Variants in NTM observed in about 807,000 individuals in gnomAD.
The protein encoded by NTM is IgLON family member 2.
A neutral mutation model predicts 42.1 loss-of-function variants in NTM; 13 were observed. That is an observed-to-expected ratio of 0.31 (90% CI 0.20 to 0.49). NTM has a LOEUF of 0.49. Among genes scored for constraint, NTM ranks in the 20% least tolerant of loss-of-function variants. NTM has a pLI of 0.99. For missense variants in NTM, 373 were observed against 452.8 expected, an observed-to-expected ratio of 0.82 and a Z score of 1.60; for synonymous variants, 187 against 179.2, an observed-to-expected ratio of 1.04 and a Z score of -0.35.
intron 1 of NTM, among the ~76,000 whole-genome samples, chr11:131,817,851 C>T (rs747744557): frequency 1.3e-5 from 2 of 152,276 alleles, no homozygotes; most frequent in Non-Finnish European, 2.9e-5. Flanking sequence ...CCATGGTTTA[C>T]ACTGAAAGAC....
At chr11:131,963,624 G>A (rs963780133) in intron 2 of NTM, among the ~76,000 whole-genome samples, 2 of 152,206 alleles carry the variant, frequency 1.3e-5, no homozygotes, top group African/African-American at 4.8e-5. Flanking sequence ...TATGTTGAGA[G>A]CATCCCTTGA....
chr11:132,252,447 A>G (rs1358381707), intron 4 of NTM, among the ~76,000 whole-genome samples: 1 of 152,158 alleles, frequency 6.6e-6, no homozygotes, highest in African/African-American at 2.4e-5. Flanking sequence ...TCCCCAAAAA[A>G]GGGTGGAAAT....
intron 2 of NTM, among the ~76,000 whole-genome samples, chr11:132,127,933 T>A (rs2066129459): frequency 6.6e-6 from 1 of 152,246 alleles, no homozygotes; most frequent in Admixed American, 6.5e-5. Flanking sequence ...TCCAAGGGAC[T>A]GAACCAGGTG....
intron 2 of NTM, among the ~76,000 whole-genome samples, chr11:132,044,880 A>C (rs2077762957): frequency 6.6e-6 from 1 of 152,182 alleles, no homozygotes; most frequent in African/African-American, 2.4e-5. Context: ...AAATTGAGAC[A>C]GAAATAAATA....
At chr11:131,424,990 C>T (rs1220810402) in intron 1 of NTM, among the ~76,000 whole-genome samples, 2 of 151,546 alleles carry the variant, frequency 1.3e-5, no homozygotes, top group Non-Finnish European at 2.9e-5. Flanking sequence ...AGCAATTCTT[C>T]TGCATCAGCC....
intron 1 of NTM, among the ~76,000 whole-genome samples, chr11:131,906,323 A>T (rs767428198): frequency 6.6e-6 from 1 of 152,140 alleles, no homozygotes. Context: ...TCTGACAGGT[A>T]GAGTAGAAAG....
At chr11:132,084,245 G>T (rs2059427719) in intron 2 of NTM, among the ~76,000 whole-genome samples, 1 of 152,062 alleles carries the variant, frequency 6.6e-6, no homozygotes, top group East Asian at 1.9e-4. Flanking sequence ...TATGTACAGG[G>T]TCGCTACAAT....
intron 1 of NTM, among the ~76,000 whole-genome samples, chr11:131,801,698 C>T (rs1428744917): frequency 1.3e-5 from 2 of 152,090 alleles, no homozygotes; most frequent in African/African-American, 4.8e-5. Flanking sequence ...ATTCCTGATG[C>T]AGTATTGTAA....
intron 1 of NTM, among the ~76,000 whole-genome samples, chr11:131,576,969 A>G (rs1484922818): frequency 6.6e-6 from 1 of 152,224 alleles, no homozygotes; most frequent in Admixed American, 6.5e-5. Context: ...CATTGTAAAT[A>G]CTCAAAAATA....
At position 132,056,080 on chromosome 11, in the gene NTM, T is replaced by C. The variant is rs1027083070; in HGVS notation, c.168-90202T>C. On this transcript the variant is annotated intron_variant, in intron 2 of 8. Transcript: ENST00000683400. ...GGAAATTCTCATGAGCAGGTTTCAA[T>C]TGAGGAATAATTCATTTTTGCAGTA... 7.2e-5 allele frequency among the ~76,000 whole-genome samples: 11 copies of C among 152,332 alleles called. No individual in the cohort carries two copies. The South Asian group carries it at 2.3e-3, about 32-fold the overall frequency.
intron 2 of NTM, among the ~76,000 whole-genome samples, chr11:131,965,748 A>C (rs149670446): frequency 6.6e-6 from 1 of 152,182 alleles, no homozygotes; most frequent in Admixed American, 6.5e-5. Flanking sequence ...GGAGTGATTT[A>C]TTCTTACAAA....
At chr11:131,598,719 C>T (rs1215555590) in intron 1 of NTM, among the ~76,000 whole-genome samples, 2 of 89,704 alleles carry the variant, frequency 2.2e-5, no homozygotes, top group Non-Finnish European at 4.8e-5. Context: ...TTCTTTCTTT[C>T]TTTCTTTCTT....
At chr11:131,948,946 A>C (rs1388211392) in intron 2 of NTM, among the ~76,000 whole-genome samples, 1 of 152,194 alleles carries the variant, frequency 6.6e-6, no homozygotes, top group Non-Finnish European at 1.5e-5. Flanking sequence ...TGTATCTTGC[A>C]TAATTGAGAC....
chr11:131,416,443 C>A (rs1004902488), intron 1 of NTM, among the ~76,000 whole-genome samples: 2 of 152,210 alleles, frequency 1.3e-5, no homozygotes, highest in Non-Finnish European at 2.9e-5. Flanking sequence ...CACACGGTTG[C>A]CTCTCCCTGA....
At chr11:132,162,341 GTGTT>G (rs552130667) in intron 3 of NTM, among the ~76,000 whole-genome samples, 140 of 151,846 alleles carry the variant, frequency 9.2e-4, no homozygotes, top group South Asian at 6.5e-3. Flanking sequence ...GATTGTGTGT[GTGTT>G]TGTGGGGCAT....
At chr11:131,452,521 G>A (rs1181646910) in intron 1 of NTM, among the ~76,000 whole-genome samples, 1 of 152,226 alleles carries the variant, frequency 6.6e-6, no homozygotes, top group East Asian at 1.9e-4. Context: ...CTCATTTGTA[G>A]GAAGAAGTTA....
intron 1 of NTM, among the ~76,000 whole-genome samples, chr11:131,595,095 A>G (rs956904093): frequency 6.6e-6 from 1 of 152,188 alleles, no homozygotes; most frequent in Non-Finnish European, 1.5e-5. Context: ...ATTCCACATC[A>G]TAGCTGTTTT....
At chr11:131,779,552 G>A (rs1918540) in intron 1 of NTM, among the ~76,000 whole-genome samples, 119,391 of 152,058 alleles carry the variant, frequency 0.79, 47,199 homozygotes, top group East Asian at 1. Flanking sequence ...TAGACTAGTA[G>A]GGAAAATAAT....
chr11:131,393,689 C>G (rs1944266552), intron 1 of NTM, among the ~76,000 whole-genome samples: 1 of 152,224 alleles, frequency 6.6e-6, no homozygotes. Context: ...ATGCCTCTCT[C>G]TCTCCGCCCC....
Sources: gnomAD v4.1 joint callset for allele counts (sites outside exome capture counted in the v4.1 genomes callset) on GRCh38, gnomAD v4.1.1 for gene constraint, MANE v1.5 for transcripts, NCBI Gene and HGNC (gene_info 2026-07-23, HGNC 2026-07-21) for gene names.